Variants in DNAH10 observed in about 807,000 individuals in gnomAD.
DNAH10 encodes dynein axonemal heavy chain 10.
In DNAH10, 348 loss-of-function variants were observed where a neutral mutation model predicts 506.6. The ratio of observed to expected loss-of-function variants is 0.69; its 90% CI spans 0.63 to 0.75. The LOEUF (loss-of-function observed/expected upper bound fraction) is 0.75, where lower values mean the gene tolerates loss of function less well. DNAH10 is among the 30% of genes least tolerant of loss of function. DNAH10 has a pLI of 0.00. For missense variants in DNAH10, 5,179 were observed against 5,787.1 expected, an observed-to-expected ratio of 0.89 and a Z score of 3.41; for synonymous variants, 2,059 against 2,198.6, an observed-to-expected ratio of 0.94 and a Z score of 1.78.
rs1473233171 is a variant in DNAH10, at chr12:123,919,843, G to A, written c.11506+894G>A. 1.3e-5 allele frequency among the ~76,000 whole-genome samples: 2 copies of A among 152,152 alleles called. No homozygotes were observed. The highest frequency in any genetic ancestry group is 3.8e-4 in the East Asian group (2 of 5,198). On this transcript the variant is annotated intron_variant, in intron 65 of 78. Transcript: ENST00000673944. The surrounding 1 kb of genome is among the most constrained non-coding windows in gnomAD (Gnocchi z 4.9). ...ATTCCATGTATGGACAGACCGCACT[G>A]TGTTTATCCACCCGTCACCTGATGG...
chr12:123,913,265 GCT>G lies in DNAH10; in HGVS notation c.10303_10304del (p.Leu3435AspfsTer23), dbSNP rs1486077953. On this transcript the variant is annotated frameshift_variant, in exon 60 of 79. Transcript: ENST00000673944. LOFTEE classifies it high-confidence loss of function. This position sits in a 1 kb window ranked among gnomAD's most constrained non-coding sequence, Gnocchi z 5.1. ...QEEAEIMERR[L>X]IAADKLISGL... ...AAGAAGCCGAGATCATGGAGAGGCG[GCT>G]GATTGCCGCAGACAAACTCATCTCG... 3.7e-6 allele frequency: 6 copies of G among 1,607,092 alleles called. No individual in the cohort carries two copies. In the Admixed American group the frequency reaches 1.0e-4, roughly 27 times the overall value.
chr12:123,843,387 C>T (rs1950837329), intron 30 of DNAH10, among the ~76,000 whole-genome samples: 1 of 152,118 alleles, frequency 6.6e-6, no homozygotes, highest in Non-Finnish European at 1.5e-5. Flanking sequence ...AGGTTTGTCG[C>T]GTCCTTTACA....
At chr12:123,800,049 C>G (rs1958424256) in intron 14 of DNAH10, among the ~76,000 whole-genome samples, 167 bp from the exon 15 acceptor site, 1 of 152,202 alleles carries the variant, frequency 6.6e-6, no homozygotes, top group Non-Finnish European at 1.5e-5. Context: ...TCTTCAAAAT[C>G]TCCGTTCACC....
chr12:123,772,830 T>A lies in DNAH10; in HGVS notation c.397-4T>A, dbSNP rs758815703. 3 of 1,592,926 alleles carry A rather than the reference T, an allele frequency of 1.9e-6. No individual in the cohort carries two copies. Among genetic ancestry groups the A allele is most frequent in the Non-Finnish European group, 2.6e-6 (3 of 1,170,902 alleles). On this transcript the variant is annotated splice_region_variant and splice_polypyrimidine_tract_variant and intron_variant, in intron 3 of 78. Coordinates refer to ENST00000673944, the MANE Select transcript of DNAH10 (RefSeq NM_001372106.1). ...ATGAATGGTTTTTGTTCCCCATGTT[T>A]CAGAGAACTGCGAAGCACATCATGG...
chr12:123,841,875 G>A (rs1950787714), intron 30 of DNAH10, among the ~76,000 whole-genome samples: 1 of 152,042 alleles, frequency 6.6e-6, no homozygotes, highest in Non-Finnish European at 1.5e-5. Flanking sequence ...TTGTAGAGAG[G>A]GAGTCTCACT....
rs567700638 is a variant in DNAH10 at position 123,917,557 on chromosome 12, G to A, written c.11003-27G>A. On this transcript the variant is annotated intron_variant, in intron 63 of 78. Transcript: ENST00000673944. The surrounding 1 kb of genome is among the most constrained non-coding windows in gnomAD (Gnocchi z 5.6). ...AGACTGTTGTTGGGGGCCGCAGGTG[G>A]TGAGGGCCTCTCACTGTCCCCCACA... 10 of 1,547,228 alleles carry A rather than the reference G, an allele frequency of 6.5e-6. No homozygotes were observed. In the East Asian group the frequency reaches 2.4e-4, roughly 38 times the overall value.
At chr12:123,924,842 T>G (rs938903390) in intron 67 of DNAH10, among the ~76,000 whole-genome samples, 36 of 152,206 alleles carry the variant, frequency 2.4e-4, no homozygotes, top group African/African-American at 8.4e-4. Flanking sequence ...TGATGGGCAC[T>G]GGGGACTCAG....
intron 51 of DNAH10, among the ~76,000 whole-genome samples, chr12:123,886,143 C>A (rs1325868910): frequency 1.3e-5 from 2 of 152,128 alleles, no homozygotes; most frequent in South Asian, 4.1e-4. Flanking sequence ...CAAGGCATTC[C>A]CCACTGGAAA....
chr12:123,914,041 G>A (rs1270751539), intron 60 of DNAH10, among the ~76,000 whole-genome samples: 1 of 152,116 alleles, frequency 6.6e-6, no homozygotes, highest in East Asian at 1.9e-4. Flanking sequence ...CAGAAACAAC[G>A]TGATTACTAC....
Position 123,801,357 on chromosome 12 carries a change from C to T in DNAH10, c.2539C>T (p.Leu847Phe). 6.2e-7 allele frequency: 1 copy of T among 1,614,176 alleles called. No individual in the cohort carries two copies. The highest frequency in any genetic ancestry group is 8.5e-7 in the Non-Finnish European group (1 of 1,180,036). Residue 847 changes from leucine to phenylalanine, a missense_variant, in exon 16 of 79, where the codon CTT becomes TTT. Leu to Phe is a conservative substitution (Grantham distance 22). Coordinates refer to ENST00000673944, the MANE Select transcript of DNAH10 (RefSeq NM_001372106.1). ...AACGTTAAACGATGCGGAGTCTGTG[C>T]TTCTCAAAGATCATTCCCAGGAACT... ...IGTLNDAESVLLKDHSQELLR... is the reference protein window; with the variant it reads ...IGTLNDAESVFLKDHSQELLR...
At chr12:123,886,308 C>T (rs780511160) in intron 51 of DNAH10, among the ~76,000 whole-genome samples, 1 of 151,846 alleles carries the variant, frequency 6.6e-6, no homozygotes, top group Non-Finnish European at 1.5e-5. Context: ...TAGGAAGTGG[C>T]GAGGGTTGGG....
intron 10 of DNAH10, among the ~76,000 whole-genome samples, chr12:123,788,635 G>T (rs1273213303): frequency 6.6e-6 from 1 of 152,122 alleles, no homozygotes; most frequent in Admixed American, 6.5e-5. Flanking sequence ...GCTGTAAAAA[G>T]AATTCAAACA....
chr12:123,870,492 CAG>C lies in DNAH10; in HGVS notation c.7639+10_7639+11del. 6.2e-7 allele frequency: 1 copy of C among 1,612,184 alleles called. No homozygotes were observed. ...AAATTCATCAACATCCTGGGTAAGT[CAG>C]AGTCAAATCCTTGTTCCTGGGTTTA... On this transcript the variant is annotated splice_region_variant and intron_variant, in intron 44 of 78. Transcript: ENST00000673944.
rs1454261953 is a variant in DNAH10, at chr12:123,790,138, T to C, written c.1815+17T>C. The stretch of plus-strand genomic sequence containing the variant: ...GAAGTTCTGGCAAGTGACACGTCCA[T>C]TGAGTCCATCTTGGGAGTCGACACC... On this transcript the variant is annotated intron_variant, in intron 11 of 78. Transcript: ENST00000673944. 1.2e-6 allele frequency: 2 copies of C among 1,612,892 alleles called. No individual in the cohort carries two copies. Among genetic ancestry groups the C allele is most frequent in the Non-Finnish European group, 1.7e-6 (2 of 1,179,018 alleles).
At chr12:123,775,918 C>T (rs1957421569) in intron 5 of DNAH10, among the ~76,000 whole-genome samples, 1 of 152,076 alleles carries the variant, frequency 6.6e-6, no homozygotes, top group Non-Finnish European at 1.5e-5. Context: ...CCTCAGGAAA[C>T]TTAAAATCAT....
Position 123,909,594 on chromosome 12 carries a change from C to G in DNAH10, c.9997+152C>G, listed in dbSNP as rs1191155838. ...GGATGGAACAGGCAACTGATGGTCA[C>G]CAGAGGAAAACAGCAGCCCCATGAC... On this transcript the variant is annotated intron_variant, in intron 58 of 78. Coordinates refer to ENST00000673944, the MANE Select transcript of DNAH10 (RefSeq NM_001372106.1). This position sits in a 1 kb window ranked among gnomAD's most constrained non-coding sequence, Gnocchi z 5.4. 6.6e-6 allele frequency among the ~76,000 whole-genome samples: 1 copy of G among 152,190 alleles called. No individual in the cohort carries two copies. Among genetic ancestry groups the G allele is most frequent in the African/African-American group, 2.4e-5 (1 of 41,442 alleles).
Position 123,790,119 on chromosome 12 carries a change from C to A in DNAH10, c.1813C>A (p.Leu605Met), listed in dbSNP as rs776123073. 1 of 1,613,928 alleles carries A rather than the reference C, an allele frequency of 6.2e-7. No individual in the cohort carries two copies. Among genetic ancestry groups the A allele is most frequent in the South Asian group, 1.1e-5 (1 of 91,044 alleles). ...YVMDEFKIEV[L>M]VIEKEAKHFI... ...GATGGATGAATTCAAGATTGAAGTT[C>A]TGGCAAGTGACACGTCCATTGAGTC... The change falls in exon 11 of 79, where the codon CTG becomes ATG. Residue 605 changes from leucine (L) to methionine (M), a missense_variant and splice_region_variant. Coordinates refer to ENST00000673944, the MANE Select transcript of DNAH10 (RefSeq NM_001372106.1).
At chr12:123,910,441 TGAAGAATAAGAAACTA>T in intron 58 of DNAH10, 79 bp from the exon 59 acceptor site, 1 of 1,489,898 alleles carries the variant, frequency 6.7e-7, no homozygotes, top group Non-Finnish European at 9.1e-7. Flanking sequence ...ACAGGGCCAC[TGAAGAATAAGAAACTA>T]GTTATGCTTA....
chr12:123,868,514 T>C (rs1185871042), intron 43 of DNAH10, among the ~76,000 whole-genome samples: 1 of 152,228 alleles, frequency 6.6e-6, no homozygotes, highest in East Asian at 1.9e-4. Flanking sequence ...TCATCTGCTG[T>C]ATTCCTGAGT....
Sources: allele counts gnomAD v4.1 joint callset (sites outside exome capture counted in the v4.1 genomes callset), GRCh38; gene constraint gnomAD v4.1.1; non-coding constraint Gnocchi (gnomAD v3.1); transcripts MANE v1.5; gene names NCBI Gene and HGNC (gene_info 2026-07-23, HGNC 2026-07-21).